Variants in DMD observed in about 807,000 individuals in gnomAD.
DMD encodes the protein dystrophin, also known as mutant dystrophin.
Under a neutral mutation model 330.1 loss-of-function variants are expected in DMD, and 63 were observed. That is an observed-to-expected ratio of 0.19 (90% CI 0.16 to 0.24). The LOEUF is 0.24. DMD is among the 10% of genes least tolerant of loss of function. The probability of loss-of-function intolerance (pLI) is 1.00; values close to 1 mark genes in which losing one functional copy is unlikely to be tolerated. For synonymous variants in DMD, 1,223 were observed against 959.8 expected (o/e 1.27, Z -5.07); for missense variants, 3,344 against 2,684.1 (o/e 1.25, Z -5.43).
intron 9 of DMD, among the ~76,000 whole-genome samples, chrX:32,646,164 A>G (rs772779183): frequency 2.7e-5 from 3 of 111,723 alleles, no homozygotes; most frequent in Non-Finnish European, 5.6e-5. Context: ...GTTTGCAGAG[A>G]TTTGCATGCT....
intron 30 of DMD, among the ~76,000 whole-genome samples, chrX:32,408,865 C>CT (rs2098129771): frequency 1.0e-5 from 1 of 96,911 alleles, no homozygotes; most frequent in African/African-American, 3.8e-5. Flanking sequence ...TTCTTTCTTT[C>CT]ATCTATCTAT....
chrX:32,225,098 G>C (rs1309546738), intron 43 of DMD, among the ~76,000 whole-genome samples: 1 of 111,920 alleles, frequency 8.9e-6, no homozygotes, highest in Non-Finnish European at 1.9e-5. Flanking sequence ...TAAATGTCTT[G>C]TATGGACACT....
chrX:31,795,512 A>G (rs2091784286), intron 50 of DMD, among the ~76,000 whole-genome samples: 1 of 111,934 alleles, frequency 8.9e-6, no homozygotes, highest in Non-Finnish European at 1.9e-5. Context: ...AGAGAAAAAA[A>G]TCAGGACAAA....
intron 1 of DMD, among the ~76,000 whole-genome samples, chrX:33,045,469 T>C: frequency 8.9e-6 from 1 of 111,735 alleles, no homozygotes; most frequent in East Asian, 2.8e-4. Context: ...AAATCAACTC[T>C]TGATTTCACT....
chrX:31,282,418 A>G (rs759102669), intron 62 of DMD, among the ~76,000 whole-genome samples: 1 of 111,164 alleles, frequency 9.0e-6, no homozygotes, highest in East Asian at 2.8e-4. Context: ...CACCGGTTAT[A>G]TTTCAAGATT....
chrX:31,684,991 T>C (rs1314103110), intron 52 of DMD, among the ~76,000 whole-genome samples: 3 of 112,101 alleles, frequency 2.7e-5, no homozygotes, highest in Non-Finnish European at 3.8e-5. Flanking sequence ...GAATTGTACA[T>C]GGGAATAGCT....
chrX:33,155,443 G>A (rs779144175), intron 1 of DMD, among the ~76,000 whole-genome samples: 115 of 109,724 alleles, frequency 1.0e-3, no homozygotes, highest in Non-Finnish European at 1.9e-3. Context: ...GGCCTCCTGA[G>A]TAGCTGGAAC....
At chrX:32,237,878 A>G (rs1188344799) in intron 43 of DMD, among the ~76,000 whole-genome samples, 1 of 111,808 alleles carries the variant, frequency 8.9e-6, no homozygotes, top group Non-Finnish European at 1.9e-5. Context: ...TACAAAATCA[A>G]CCTTTGTGTT....
intron 1 of DMD, among the ~76,000 whole-genome samples, chrX:33,230,254 G>A (rs2052365931): frequency 9.0e-6 from 1 of 111,399 alleles, no homozygotes; most frequent in African/African-American, 3.3e-5. Flanking sequence ...ATGCATCAGA[G>A]TGTTTTTTAA....
intron 44 of DMD, among the ~76,000 whole-genome samples, chrX:32,010,767 G>A (rs2095701985): frequency 8.9e-6 from 1 of 111,823 alleles, no homozygotes; most frequent in African/African-American, 3.3e-5. Context: ...TCACCATGAC[G>A]GTATTATCCT....
chrX:32,166,167 A>G lies in DMD; in HGVS notation c.6438+50749T>C, dbSNP rs185053178. Among the ~76,000 whole-genome samples the G allele has an allele frequency of 2.7e-5, 3 of 111,300 alleles. No individual in the cohort carries two copies. The Admixed American group carries it at 2.9e-4, about 11-fold the overall frequency. ...CCCAGACTGCCATATATAAAACATC[A>G]ATTTCGGCTGGGCATGGTGGTTCAT... On this transcript the variant is annotated intron_variant, in intron 44 of 78. Transcript: ENST00000357033.
At chrX:31,690,338 C>A (rs763724747) in intron 52 of DMD, among the ~76,000 whole-genome samples, 22 of 112,372 alleles carry the variant, frequency 2.0e-4, no homozygotes, top group Non-Finnish European at 3.2e-4. Flanking sequence ...CAAAAGAAGA[C>A]ATTTATGCAG....
At chrX:31,389,974 A>G (rs1184854564) in intron 60 of DMD, among the ~76,000 whole-genome samples, 1 of 111,772 alleles carries the variant, frequency 8.9e-6, no homozygotes, top group Admixed American at 9.6e-5. Context: ...AGAGAAACAT[A>G]TTTCAGCCAC....
At position 33,009,241 on chromosome X, in the gene DMD, C is replaced by CAT. The variant is rs774607205; in HGVS notation, c.93+10896_93+10897dup. 6.7e-4 allele frequency among the ~76,000 whole-genome samples: 37 copies of CAT among 55,421 alleles called. 6 individuals are homozygous for CAT. The highest frequency in any genetic ancestry group is 4.1e-3 in the East Asian group (5 of 1,231). 48.1% of individuals were successfully genotyped at this position (55,421 alleles called of 115,157 possible). On this transcript the variant is annotated intron_variant, in intron 2 of 78. Coordinates refer to ENST00000357033, the MANE Select transcript of DMD (RefSeq NM_004006.3). ...ATGTGCATATATGTGTATATATACA[C>CAT]ATGTGCATATATGTGTATGTGTGTA... is the stretch of plus-strand genomic sequence containing the variant.
intron 1 of DMD, among the ~76,000 whole-genome samples, chrX:33,042,441 A>G (rs1248217053): frequency 4.4e-5 from 5 of 112,558 alleles, no homozygotes; most frequent in African/African-American, 6.5e-5. Context: ...AGGGGCATCA[A>G]TAGATTTTAC....
intron 62 of DMD, among the ~76,000 whole-genome samples, chrX:31,274,173 CTTT>C (rs1208884183): frequency 8.9e-6 from 1 of 111,815 alleles, no homozygotes; most frequent in Non-Finnish European, 1.9e-5. Flanking sequence ...CACCTTTCCT[CTTT>C]TTGCTTTTTA....
At chrX:32,377,120 G>C (rs190300348) in intron 34 of DMD, among the ~76,000 whole-genome samples, 1 of 111,541 alleles carries the variant, frequency 9.0e-6, no homozygotes, top group East Asian at 2.8e-4. Context: ...ATCTTGAAAA[G>C]TGAATTCTAG....
In DMD at chrX:31,265,536, G is replaced by A. The variant is rs1179517451; in HGVS notation, c.9225-4520C>T. 4.5e-5 allele frequency among the ~76,000 whole-genome samples: 5 copies of A among 110,800 alleles called. No individual in the cohort carries two copies. The Admixed American group carries it at 4.8e-4, about 11-fold the overall frequency. ...GTCCTCCGTTTTATTTGCTTTTCAA[G>A]GTTTAACTCCTACCCACCCTCAACT... On this transcript the variant is annotated intron_variant, in intron 62 of 78. Transcript: ENST00000357033.
At chrX:33,178,844 G>T (rs1014019462) in intron 1 of DMD, among the ~76,000 whole-genome samples, 10 of 111,647 alleles carry the variant, frequency 9.0e-5, no homozygotes, top group African/African-American at 3.3e-4. Context: ...GTCTTTTTGA[G>T]TATAAGGTAT....
Sources: gnomAD v4.1 joint callset for allele counts (sites outside exome capture counted in the v4.1 genomes callset) on GRCh38, gnomAD v4.1.1 for gene constraint, MANE v1.5 for transcripts, NCBI Gene and HGNC (gene_info 2026-07-23, HGNC 2026-07-21) for gene names.